The following C1orf21 variants were observed in gnomAD, a reference collection of about 807,000 sequenced individuals.
C1orf21 encodes uncharacterized protein C1orf21.
In C1orf21, 3 loss-of-function variants were observed where a neutral mutation model predicts 18.7. That is an observed-to-expected ratio of 0.16 (90% CI 0.07 to 0.42). The LOEUF is 0.42. Ranked by LOEUF, C1orf21 falls within the 10% of genes least tolerant of loss-of-function variation. C1orf21 has a pLI of 0.99. For missense variants in C1orf21, 104 were observed against 143.6 expected, an observed-to-expected ratio of 0.72 and a Z score of 1.41; for synonymous variants, 41 against 46.4, an observed-to-expected ratio of 0.88 and a Z score of 0.47.
intron 5 of C1orf21, among the ~76,000 whole-genome samples, chr1:184,605,021 T>C (rs551951385): frequency 6.6e-6 from 1 of 152,312 alleles, no homozygotes; most frequent in African/African-American, 2.4e-5. Context: ...CTGAACTCAA[T>C]AGCAGTGTGA....
At chr1:184,584,208 T>C (rs1276786140) in intron 3 of C1orf21, among the ~76,000 whole-genome samples, 1 of 149,210 alleles carries the variant, frequency 6.7e-6, no homozygotes, top group African/African-American at 2.5e-5. Context: ...AATCCCAAAG[T>C]AGAAGTTAAA....
chr1:184,566,294 G>T (rs1412408319), intron 3 of C1orf21, among the ~76,000 whole-genome samples: 2 of 152,142 alleles, frequency 1.3e-5, no homozygotes, highest in African/African-American at 4.8e-5. Flanking sequence ...CAGTAAACTG[G>T]GCCATCTGCT....
chr1:184,558,862 A>G (rs1347404707), intron 3 of C1orf21, among the ~76,000 whole-genome samples: 2 of 152,274 alleles, frequency 1.3e-5, no homozygotes, highest in East Asian at 3.8e-4. Flanking sequence ...GGCAAGAGCC[A>G]CATACTCAGT....
At chr1:184,419,165 T>A (rs1014017084) in intron 1 of C1orf21, among the ~76,000 whole-genome samples, 2 of 152,170 alleles carry the variant, frequency 1.3e-5, no homozygotes, top group Admixed American at 6.5e-5. Flanking sequence ...GGTGGTGTGA[T>A]CTTGGCTTAC....
rs1659620965 is a variant in C1orf21 at position 184,604,152 on chromosome 1, T to C, written c.327+5691T>C. Among the ~76,000 whole-genome samples, 3 of 152,298 alleles carry C rather than the reference T, an allele frequency of 2.0e-5. No homozygotes were observed. In the South Asian group the frequency reaches 6.2e-4, roughly 32 times the overall value. ...TTCTGTAGTCTATTAAACCTCAGAG[T>C]TGTTACAGAACCAAATATAATTGTT... On this transcript the variant is annotated intron_variant, in intron 5 of 5. Coordinates refer to ENST00000235307, the MANE Select transcript of C1orf21 (RefSeq NM_030806.4).
intron 3 of C1orf21, among the ~76,000 whole-genome samples, chr1:184,509,942 AC>A (rs1658120052): frequency 6.6e-6 from 1 of 152,000 alleles, no homozygotes; most frequent in African/African-American, 2.4e-5. Context: ...TAAACCTCCC[AC>A]CCATCACGTG....
chr1:184,463,100 A>G (rs866578269), intron 1 of C1orf21, among the ~76,000 whole-genome samples: 27 of 151,324 alleles, frequency 1.8e-4, no homozygotes, highest in South Asian at 4.2e-4. Flanking sequence ...AAAAAAAAAA[A>G]AAGAAGAAGA....
At chr1:184,426,491 C>G (rs948564836) in intron 1 of C1orf21, among the ~76,000 whole-genome samples, 1 of 152,132 alleles carries the variant, frequency 6.6e-6, no homozygotes, top group African/African-American at 2.4e-5. Flanking sequence ...TACGCTCCAC[C>G]CTATTTCATC....
intron 1 of C1orf21, among the ~76,000 whole-genome samples, chr1:184,457,962 G>C (rs1386131915): frequency 6.6e-6 from 1 of 152,120 alleles, no homozygotes; most frequent in African/African-American, 2.4e-5. Context: ...TGTAGATATT[G>C]TTTCAAATTC....
chr1:184,401,281 C>T (rs1656147863), intron 1 of C1orf21, among the ~76,000 whole-genome samples: 1 of 152,072 alleles, frequency 6.6e-6, no homozygotes, highest in African/African-American at 2.4e-5. Context: ...AGTGCAGTGG[C>T]ACCATCTCGG....
intron 5 of C1orf21, among the ~76,000 whole-genome samples, chr1:184,615,639 A>T (rs1268138023): frequency 1.3e-5 from 2 of 152,166 alleles, no homozygotes; most frequent in Admixed American, 1.3e-4. Context: ...TTTTTGGCAC[A>T]GTTCTTTAAA....
At chr1:184,424,180 A>G (rs1003218305) in intron 1 of C1orf21, among the ~76,000 whole-genome samples, 18 of 152,146 alleles carry the variant, frequency 1.2e-4, no homozygotes, top group African/African-American at 4.3e-4. Context: ...CATTTTTACA[A>G]ACCGTATCAT....
At position 184,590,628 on chromosome 1, in the gene C1orf21, C is replaced by T. The variant is rs114750800; in HGVS notation, c.190-111C>T. 1.4e-3 allele frequency: 1,403 copies of T among 1,031,090 alleles called. 12 individuals carry two copies. The African/African-American group carries it at 0.02, about 15-fold the overall frequency. The allele number at this position is 1,031,090 out of a possible 1,614,324, so 63.9% of individuals were successfully genotyped here. A position where few individuals can be genotyped will look rare whatever the true frequency, so the allele number is the denominator to read the frequency against. On this transcript the variant is annotated intron_variant, in intron 3 of 5. Coordinates refer to ENST00000235307, the MANE Select transcript of C1orf21 (RefSeq NM_030806.4). ...CTTTTGCCCTTGTGAGGTAACCAGC[C>T]GTAGTATAGGGCCCCAAACAGATTG... is the stretch of plus-strand genomic sequence containing the variant.
intron 1 of C1orf21, among the ~76,000 whole-genome samples, chr1:184,430,547 G>C (rs913190801): frequency 1.3e-5 from 2 of 152,178 alleles, no homozygotes; most frequent in African/African-American, 4.8e-5. Flanking sequence ...AAATATTGGT[G>C]AAATTTGAAT....
At chr1:184,577,953 G>GTTTTTTTTTT (rs1257021237) in intron 3 of C1orf21, among the ~76,000 whole-genome samples, 3 of 108,956 alleles carry the variant, frequency 2.8e-5, no homozygotes, top group Non-Finnish European at 3.8e-5. Flanking sequence ...TTTTGTTTTT[G>GTTTTTTTTTT]TTTTTTTTTT....
At chr1:184,522,242 G>A (rs867949677) in intron 3 of C1orf21, among the ~76,000 whole-genome samples, 12 of 152,142 alleles carry the variant, frequency 7.9e-5, no homozygotes, top group Middle Eastern at 6.8e-3. Context: ...ATGTATATAG[G>A]CATGTATATA....
At position 184,537,308 on chromosome 1, in the gene C1orf21, T is replaced by A. The variant is rs576607205; in HGVS notation, c.189+29626T>A. Among the ~76,000 whole-genome samples the A allele has an allele frequency of 2.0e-5, 3 of 152,294 alleles. No individual in the cohort carries two copies. In the South Asian group the frequency reaches 6.2e-4, roughly 32 times the overall value. On this transcript the variant is annotated intron_variant, in intron 3 of 5. Coordinates refer to ENST00000235307, the MANE Select transcript of C1orf21 (RefSeq NM_030806.4). ...ACTTCCCATTCCTCCTTCCCCACTG[T>A]CCCTGGCAACCACCATTCTATTTTC...
chr1:184,454,763 G>A (rs1271455467), intron 1 of C1orf21, among the ~76,000 whole-genome samples: 1 of 152,050 alleles, frequency 6.6e-6, no homozygotes, highest in Non-Finnish European at 1.5e-5. Context: ...TAGAAGGTGG[G>A]CATGTGCTAG....
At chr1:184,480,218 G>T (rs999373639) in intron 2 of C1orf21, among the ~76,000 whole-genome samples, 2 of 152,094 alleles carry the variant, frequency 1.3e-5, no homozygotes, top group African/African-American at 4.8e-5. Context: ...AACAAAACCT[G>T]TCTCAATCTA....
Sources: allele counts gnomAD v4.1 joint callset (sites outside exome capture counted in the v4.1 genomes callset), GRCh38; gene constraint gnomAD v4.1.1; transcripts MANE v1.5; gene names NCBI Gene and HGNC (gene_info 2026-07-23, HGNC 2026-07-21).